SYN3: variants seen among roughly 807,000 people sequenced by gnomAD.
SYN3 encodes the protein synapsin III.
Under a neutral mutation model 65.8 loss-of-function variants are expected in SYN3, and 35 were observed. The ratio of observed to expected loss-of-function variants is 0.53; its 90% confidence interval spans 0.41 to 0.70. The LOEUF is 0.70. Ranked by LOEUF, SYN3 falls within the 30% of genes least tolerant of loss-of-function variation. SYN3 has a pLI of 0.00. For synonymous variants in SYN3, 270 were observed against 292.9 expected, an observed-to-expected ratio of 0.92 and a Z score of 0.80; for missense variants, 680 against 749.0, an observed-to-expected ratio of 0.91 and a Z score of 1.08.
chr22:32,795,247 TGATA>T (rs1412377268), intron 6 of SYN3, among the ~76,000 whole-genome samples: 1 of 152,340 alleles, frequency 6.6e-6, no homozygotes, highest in East Asian at 1.9e-4. Flanking sequence ...AAGTTGAAGT[TGATA>T]GAGAAAGACT....
intron 6 of SYN3, among the ~76,000 whole-genome samples, chr22:32,817,154 G>A (rs2047108144): frequency 6.6e-6 from 1 of 151,904 alleles, no homozygotes; most frequent in South Asian, 2.1e-4. Flanking sequence ...CGAGGTTGAG[G>A]CTGCAGTGAG....
At chr22:32,820,039 G>T (rs1027888233) in intron 6 of SYN3, among the ~76,000 whole-genome samples, 2 of 152,054 alleles carry the variant, frequency 1.3e-5, no homozygotes. Flanking sequence ...TTGGTGTGGG[G>T]GGTGGTGCAA....
chr22:32,857,762 G>A (rs756763476), intron 6 of SYN3, among the ~76,000 whole-genome samples: 1 of 152,184 alleles, frequency 6.6e-6, no homozygotes, highest in Non-Finnish European at 1.5e-5. Flanking sequence ...TTGGCCTCTA[G>A]TCCTAGCTCC....
chr22:32,830,969 C>T (rs965457414), intron 6 of SYN3, among the ~76,000 whole-genome samples: 1 of 152,182 alleles, frequency 6.6e-6, no homozygotes. Context: ...TTTTCCCCAA[C>T]CAGGGGCACA....
intron 1 of SYN3, among the ~76,000 whole-genome samples, chr22:33,029,080 G>C (rs1454379545): frequency 6.6e-6 from 1 of 150,842 alleles, no homozygotes; most frequent in African/African-American, 2.4e-5. Flanking sequence ...ACAGTCCCTA[G>C]ATGATCCCCA....
At chr22:32,988,598 A>C (rs1231084483) in intron 2 of SYN3, among the ~76,000 whole-genome samples, 1 of 152,194 alleles carries the variant, frequency 6.6e-6, no homozygotes, top group East Asian at 1.9e-4. Flanking sequence ...GACAGACACA[A>C]AAATAGAAAA....
At chr22:32,650,117 A>T (rs1345859941) in intron 6 of SYN3, among the ~76,000 whole-genome samples, 2 of 151,866 alleles carry the variant, frequency 1.3e-5, no homozygotes, top group African/African-American at 4.8e-5. Context: ...CGCAATCTCA[A>T]ATTTCTCTAT....
chr22:32,675,032 G>T (rs1200140637), intron 6 of SYN3, among the ~76,000 whole-genome samples: 1 of 152,184 alleles, frequency 6.6e-6, no homozygotes, highest in Non-Finnish European at 1.5e-5. Flanking sequence ...ACTGAACAAA[G>T]TTCTGTCTGA....
chr22:33,025,287 C>T (rs550249578), intron 1 of SYN3, among the ~76,000 whole-genome samples: 2 of 151,854 alleles, frequency 1.3e-5, no homozygotes, highest in African/African-American at 4.8e-5. Flanking sequence ...AACCCCGTCT[C>T]TACTAAAAAT....
At chr22:32,632,081 T>C (rs2059754839) in intron 6 of SYN3, among the ~76,000 whole-genome samples, 1 of 152,214 alleles carries the variant, frequency 6.6e-6, no homozygotes, top group Non-Finnish European at 1.5e-5. Context: ...GATAAAGGTC[T>C]TGTGGCAATT....
At chr22:32,965,162 A>C (rs5998677) in intron 3 of SYN3, among the ~76,000 whole-genome samples, 28,633 of 152,148 alleles carry the variant, frequency 0.19, 3,164 homozygotes, top group Non-Finnish European at 0.25. Context: ...TGAAAATTAA[A>C]TGTATACAGA....
At chr22:33,050,944 G>A (rs961394312) in intron 1 of SYN3, among the ~76,000 whole-genome samples, 4 of 152,182 alleles carry the variant, frequency 2.6e-5, no homozygotes, top group Non-Finnish European at 4.4e-5. Flanking sequence ...GACATATGCC[G>A]TGTATCCCTT....
At chr22:32,894,181 A>T (rs1252672534) in intron 4 of SYN3, among the ~76,000 whole-genome samples, 1 of 127,766 alleles carries the variant, frequency 7.8e-6, no homozygotes, top group Non-Finnish European at 1.8e-5. Context: ...ATCACTGCTA[A>T]GAAACAGAAA....
At chr22:32,896,330 G>A (rs149072167) in intron 4 of SYN3, among the ~76,000 whole-genome samples, 1,817 of 152,114 alleles carry the variant, frequency 0.012, 21 homozygotes, top group Middle Eastern at 0.041. Context: ...GGTGGCATGC[G>A]CTGTAGTCCC....
intron 6 of SYN3, among the ~76,000 whole-genome samples, chr22:32,680,829 G>A (rs2060512643): frequency 6.6e-6 from 1 of 152,172 alleles, no homozygotes; most frequent in African/African-American, 2.4e-5. Context: ...TCTCTCTTGA[G>A]GTTCCTTCCA....
At chr22:32,592,932 C>T (rs116621100) in intron 7 of SYN3, among the ~76,000 whole-genome samples, 447 of 152,266 alleles carry the variant, frequency 2.9e-3, no homozygotes, top group African/African-American at 0.01. Flanking sequence ...TTGGGATAGG[C>T]CAGCAATTGC....
chr22:32,970,820 G>A (rs529708583), intron 3 of SYN3, among the ~76,000 whole-genome samples: 4 of 152,318 alleles, frequency 2.6e-5, no homozygotes, highest in Admixed American at 2.0e-4. Context: ...TGTGGGATAC[G>A]TACTCAAGCT....
intron 6 of SYN3, among the ~76,000 whole-genome samples, chr22:32,781,684 A>G (rs2046069439): frequency 6.7e-6 from 1 of 150,358 alleles, no homozygotes; most frequent in African/African-American, 2.4e-5. Context: ...TATTATTATT[A>G]ATATTATTAT....
intron 6 of SYN3, among the ~76,000 whole-genome samples, chr22:32,840,199 G>T (rs1436195348): frequency 6.6e-6 from 1 of 152,112 alleles, no homozygotes; most frequent in Non-Finnish European, 1.5e-5. Context: ...GTGTCTTTGG[G>T]TTTATTTTTA....
Sources: allele counts gnomAD v4.1 joint callset (sites outside exome capture counted in the v4.1 genomes callset), GRCh38; gene constraint gnomAD v4.1.1; transcripts MANE v1.5; gene names NCBI Gene and HGNC (gene_info 2026-07-23, HGNC 2026-07-21).